The following METTL8 variants were observed in gnomAD, a reference collection of about 807,000 sequenced individuals.
The protein encoded by METTL8 is methyltransferase 8, tRNA N3-cytidine, also known as tRNA N(3)-cytidine methyltransferase METTL8, mitochondrial.
A neutral mutation model predicts 48.7 loss-of-function variants in METTL8; 32 were observed. That is an observed-to-expected ratio of 0.66 (90% CI 0.50 to 0.88). METTL8 has a LOEUF of 0.88. Among genes scored for constraint, METTL8 ranks in the 40% least tolerant of loss-of-function variants. The probability of loss-of-function intolerance (pLI) is 0.00; values close to 1 mark genes in which losing one functional copy is unlikely to be tolerated. For missense variants in METTL8, 464 were observed against 474.4 expected (o/e 0.98, Z 0.20); for synonymous variants, 136 against 157.1 (o/e 0.87, Z 1.01).
chr2:171,415,321 G>C (rs1039573029), intron 1 of METTL8, among the ~76,000 whole-genome samples: 1 of 147,792 alleles, frequency 6.8e-6, no homozygotes, highest in Non-Finnish European at 1.5e-5. Context: ...GATCTTCCTT[G>C]CATTTTCTTC....
chr2:171,411,423 C>G (rs990918476), intron 1 of METTL8, among the ~76,000 whole-genome samples: 7 of 150,564 alleles, frequency 4.6e-5, no homozygotes, highest in African/African-American at 1.4e-4. Flanking sequence ...GACATTACAA[C>G]ACACTGTCAA....
intron 1 of METTL8, among the ~76,000 whole-genome samples, chr2:171,416,593 C>T (rs13390534): frequency 2.0e-5 from 3 of 152,168 alleles, no homozygotes; most frequent in Admixed American, 1.3e-4. Flanking sequence ...CTCCATTAGC[C>T]TTTACTCTGG....
chr2:171,328,578 T>C (rs1300568667), intron 7 of METTL8, among the ~76,000 whole-genome samples: 1 of 152,230 alleles, frequency 6.6e-6, no homozygotes, highest in East Asian at 1.9e-4. Context: ...TGGCGTGATC[T>C]TGGGTCACTG....
chr2:171,330,460 A>G, intron 7 of METTL8, 99 bp downstream of exon 7: 1 of 1,184,010 alleles, frequency 8.4e-7, no homozygotes, highest in South Asian at 1.5e-5. Context: ...CTCACTAAAT[A>G]ATAAATTCAA....
intron 1 of METTL8, among the ~76,000 whole-genome samples, chr2:171,425,021 T>G (rs1692261630): frequency 1.3e-5 from 2 of 152,146 alleles, no homozygotes; most frequent in Admixed American, 1.3e-4. Flanking sequence ...GAGTGTGTTC[T>G]CATGAGATCT....
chr2:171,401,803 G>A (rs975892799), intron 1 of METTL8, among the ~76,000 whole-genome samples: 1 of 151,370 alleles, frequency 6.6e-6, no homozygotes, highest in African/African-American at 2.4e-5. Context: ...GATTCTTGAT[G>A]GCATCATTGA....
chr2:171,413,276 G>A (rs1690936802), intron 1 of METTL8, among the ~76,000 whole-genome samples: 1 of 152,138 alleles, frequency 6.6e-6, no homozygotes, highest in Non-Finnish European at 1.5e-5. Flanking sequence ...AAGAGACAAA[G>A]CACTCCTCCC....
At chr2:171,325,474 C>T (rs1351137896) in intron 9 of METTL8, among the ~76,000 whole-genome samples, 4 of 152,186 alleles carry the variant, frequency 2.6e-5, no homozygotes, top group Admixed American at 1.3e-4. Flanking sequence ...CAGGTGAGCA[C>T]CCCTGTGACA....
intron 3 of METTL8, among the ~76,000 whole-genome samples, chr2:171,356,952 A>ATGTT: frequency 0.012 from 962 of 78,490 alleles, 206 homozygotes; most frequent in Middle Eastern, 0.038. Context: ...CAAAGACAAT[A>ATGTT]TTTTTTTTTT....
chr2:171,378,491 G>C (rs1225796994), intron 2 of METTL8, among the ~76,000 whole-genome samples: 2 of 152,104 alleles, frequency 1.3e-5, no homozygotes, highest in Non-Finnish European at 1.5e-5. Context: ...AATTAGCTGG[G>C]TGTGGTGGCA....
intron 1 of METTL8, among the ~76,000 whole-genome samples, chr2:171,404,088 T>G: frequency 9.3e-6 from 1 of 107,408 alleles, no homozygotes; most frequent in Non-Finnish European, 1.9e-5. Flanking sequence ...TATATATATA[T>G]ATATATATAT....
chr2:171,410,963 T>C (rs1690691584), intron 1 of METTL8, among the ~76,000 whole-genome samples: 1 of 152,206 alleles, frequency 6.6e-6, no homozygotes, highest in African/African-American at 2.4e-5. Context: ...GCCAAAGTTA[T>C]CTGGAAATAT....
Position 171,331,160 on chromosome 2 carries a change from G to C in METTL8, c.721-462C>G, listed in dbSNP as rs185959816. 1.6e-4 allele frequency among the ~76,000 whole-genome samples: 24 copies of C among 152,274 alleles called. No individual in the cohort carries two copies. The East Asian group carries it at 4.2e-3, about 27-fold the overall frequency. Reference sequence around the variant, plus strand: ...ACAGTCTTGCTCTGTCACCAGCATGGAGTGCAGTGGCGCAATCTTGGCTCA... The same window carrying C: ...ACAGTCTTGCTCTGTCACCAGCATGCAGTGCAGTGGCGCAATCTTGGCTCA... On this transcript the variant is annotated intron_variant, in intron 6 of 9. Transcript: ENST00000375258.
At chr2:171,430,938 C>G (rs1692947193) in intron 1 of METTL8, among the ~76,000 whole-genome samples, 2 of 152,112 alleles carry the variant, frequency 1.3e-5, no homozygotes, top group Non-Finnish European at 2.9e-5. Flanking sequence ...TTGTTTTAGC[C>G]TATTTTGCAT....
At chr2:171,405,125 A>G (rs1056923272) in intron 1 of METTL8, among the ~76,000 whole-genome samples, 1 of 152,150 alleles carries the variant, frequency 6.6e-6, no homozygotes, top group African/African-American at 2.4e-5. Context: ...AAGGGAAGAT[A>G]ATGAGTTCAA....
At chr2:171,348,315 C>G (rs1015536733) in intron 3 of METTL8, among the ~76,000 whole-genome samples, 1 of 152,134 alleles carries the variant, frequency 6.6e-6, no homozygotes, top group African/African-American at 2.4e-5. Context: ...TCTCTGTGGG[C>G]CAGCTGCAGC....
intron 1 of METTL8, among the ~76,000 whole-genome samples, chr2:171,431,506 T>G (rs1311383269): frequency 6.6e-6 from 1 of 152,228 alleles, no homozygotes; most frequent in African/African-American, 2.4e-5. Flanking sequence ...CAGACCTAGC[T>G]GAGCTAAGAG....
At chr2:171,342,912 T>C (rs1453392804) in intron 3 of METTL8, among the ~76,000 whole-genome samples, 1 of 152,154 alleles carries the variant, frequency 6.6e-6, no homozygotes, top group Non-Finnish European at 1.5e-5. Context: ...AGGTGGCTCA[T>C]GCCTGTAATC....
chr2:171,434,559 G>A, upstream of METTL8: 1 of 1,525,408 alleles, frequency 6.6e-7, no homozygotes, highest in Non-Finnish European at 8.8e-7. Context: ...AGCCTACCCA[G>A]GGCCCGGCCC....
Sources: allele counts gnomAD v4.1 joint callset (sites outside exome capture counted in the v4.1 genomes callset), GRCh38; gene constraint gnomAD v4.1.1; transcripts MANE v1.5; gene names NCBI Gene and HGNC (gene_info 2026-07-23, HGNC 2026-07-21).